The following DNAAF9 variants were observed in gnomAD, a reference collection of about 807,000 sequenced individuals.
DNAAF9 encodes the protein shulin.
A neutral mutation model predicts 167.0 loss-of-function variants in DNAAF9; 90 were observed. The observed-to-expected ratio is 0.54, with a 90% CI of 0.45 to 0.64. The LOEUF (loss-of-function observed/expected upper bound fraction) is 0.64. DNAAF9 is among the 30% of genes least tolerant of loss of function. The pLI, the probability that DNAAF9 is intolerant of heterozygous loss-of-function variation, is 0.00. For missense variants in DNAAF9, 1,315 were observed against 1,442.2 expected (o/e 0.91, Z 1.43); for synonymous variants, 491 against 508.8 (o/e 0.96, Z 0.47).
chr20:3,374,350 A>G (rs1242409348), intron 5 of DNAAF9, among the ~76,000 whole-genome samples, 196 bp from the exon 6 acceptor site: 1 of 152,264 alleles, frequency 6.6e-6, no homozygotes, highest in Non-Finnish European at 1.5e-5. Flanking sequence ...GAAAATTCAA[A>G]CCATAAACAA....
intron 7 of DNAAF9, among the ~76,000 whole-genome samples, chr20:3,349,771 C>G (rs756950292): frequency 2.6e-5 from 4 of 152,082 alleles, no homozygotes; most frequent in Non-Finnish European, 5.9e-5. Flanking sequence ...ACAAAAAAAC[C>G]CCACCAATTA....
chr20:3,340,437 C>CT, intron 10 of DNAAF9, 67 bp downstream of exon 10: 4 of 184,494 alleles, frequency 2.2e-5, no homozygotes, highest in Non-Finnish European at 3.4e-5. Context: ...TCTAGCTCCC[C>CT]CCACCCACCC....
chr20:3,393,416 G>T (rs1460035930), intron 1 of DNAAF9, among the ~76,000 whole-genome samples: 1 of 152,096 alleles, frequency 6.6e-6, no homozygotes, highest in Non-Finnish European at 1.5e-5. Flanking sequence ...GGAGGCTGAG[G>T]TGTGGAGACT....
At chr20:3,313,185 T>C (rs1022241891) in intron 20 of DNAAF9, among the ~76,000 whole-genome samples, 1 of 152,222 alleles carries the variant, frequency 6.6e-6, no homozygotes, top group African/African-American at 2.4e-5. Context: ...CACTATGCAA[T>C]CTTGCCTCAA....
Position 3,316,789 on chromosome 20 carries a change from G to A in DNAAF9, c.1473C>T (p.Gly491=), listed in dbSNP as rs1283141174. Residue 491 remains glycine (G), a synonymous_variant, in exon 18 of 37, where the codon GGC becomes GGT. Coordinates refer to ENST00000252032, the MANE Select transcript of DNAAF9 (RefSeq NM_001009984.3). The part of the protein sequence containing the change: ...TSQILVKEKD[G]TVTTETSSVV... The stretch of plus-strand genomic sequence containing the variant: ...CGGAGCTGGTTTCTGTGGTAACAGT[G>A]CCATCTGCAGGAACACCACACACAT... The A allele has an allele frequency of 6.2e-7, 1 of 1,612,100 alleles. No homozygotes were observed. The highest frequency in any genetic ancestry group is 8.5e-7 in the Non-Finnish European group (1 of 1,178,546).
At chr20:3,305,981 C>T (rs945874468) in intron 20 of DNAAF9, among the ~76,000 whole-genome samples, 5 of 152,184 alleles carry the variant, frequency 3.3e-5, no homozygotes, top group Non-Finnish European at 7.3e-5. Flanking sequence ...TAAAGTTCCT[C>T]CATGCTGCTC....
At chr20:3,381,543 G>A (rs2083654315) in intron 2 of DNAAF9, 45 bp from the exon 3 acceptor site, 1 of 1,568,494 alleles carries the variant, frequency 6.4e-7, no homozygotes, top group Non-Finnish European at 8.6e-7. Context: ...ATACTACAGG[G>A]AGCAAATGAG....
chr20:3,391,009 T>C (rs553063702), intron 1 of DNAAF9, among the ~76,000 whole-genome samples: 1 of 152,212 alleles, frequency 6.6e-6, no homozygotes, highest in South Asian at 2.1e-4. Flanking sequence ...AAAGGTCAGG[T>C]GACCAAGAAA....
intron 6 of DNAAF9, chr20:3,362,302 A>G: frequency 9.7e-7 from 1 of 1,031,960 alleles, no homozygotes. Context: ...GACTTTTACT[A>G]CTGAGCCTGT....
intron 22 of DNAAF9, 131 bp from the exon 23 acceptor site, chr20:3,297,080 T>C (rs2069094032): frequency 3.1e-6 from 2 of 644,432 alleles, no homozygotes; most frequent in Non-Finnish European, 5.5e-6. Flanking sequence ...CAAACAAGTT[T>C]GCTTCAAAAA....
At chr20:3,267,103 C>T (rs574351314) in intron 30 of DNAAF9, among the ~76,000 whole-genome samples, 5 of 151,180 alleles carry the variant, frequency 3.3e-5, no homozygotes, top group East Asian at 3.9e-4. Flanking sequence ...CTGCCTGCCT[C>T]GGCCTCCCAA....
At chr20:3,338,386 G>A (rs2070008002) in intron 10 of DNAAF9, among the ~76,000 whole-genome samples, 1 of 151,850 alleles carries the variant, frequency 6.6e-6, no homozygotes, top group South Asian at 2.1e-4. Flanking sequence ...TTCCCCTTTT[G>A]GCATTTTAAG....
chr20:3,309,967 C>A (rs1218003722), intron 20 of DNAAF9, among the ~76,000 whole-genome samples: 1 of 151,980 alleles, frequency 6.6e-6, no homozygotes, highest in African/African-American at 2.4e-5. Context: ...CTGTGGCAGG[C>A]AGATCACCTG....
At chr20:3,343,573 T>C (rs1269127822) in intron 9 of DNAAF9, 103 bp downstream of exon 9, 2 of 786,994 alleles carry the variant, frequency 2.5e-6, no homozygotes, top group Non-Finnish European at 4.3e-6. Context: ...CATATTTTCC[T>C]GACTCTAGCT....
In DNAAF9 at chr20:3,407,495, G is replaced by A; in HGVS notation, c.63C>T (p.Ser21=). Residue 21 remains serine (S), a synonymous_variant, in exon 1 of 37, where the codon AGC becomes AGT. Coordinates refer to ENST00000252032, the MANE Select transcript of DNAAF9 (RefSeq NM_001009984.3). ...CGTACCTGACGGAGGGTGACCCGCG[G>A]CTGGAGCCGCCAGGGGACCGAGCGC... ...LPRARSPGGS[S]RGSPSVSCSR... 1 of 1,295,140 alleles carries A rather than the reference G, an allele frequency of 7.7e-7. No individual in the cohort carries two copies. Among genetic ancestry groups the A allele is most frequent in the South Asian group, 2.4e-5 (1 of 41,042 alleles). The allele number at this position is 1,295,140 out of a possible 1,614,324, so 80.2% of individuals were successfully genotyped here. A position where few individuals can be genotyped will look rare whatever the true frequency, so the allele number is the denominator to read the frequency against.
intron 17 of DNAAF9, among the ~76,000 whole-genome samples, chr20:3,317,800 T>C (rs1016187873): frequency 8.6e-5 from 13 of 152,034 alleles, no homozygotes; most frequent in African/African-American, 2.9e-4. Flanking sequence ...TTTCACCATG[T>C]TGGCCAGGCT....
At chr20:3,255,517 G>A (rs553648508) in intron 34 of DNAAF9, among the ~76,000 whole-genome samples, 2 of 152,230 alleles carry the variant, frequency 1.3e-5, no homozygotes, top group East Asian at 1.9e-4. Context: ...CAGTGTTTTC[G>A]TAAATGGGAA....
intron 30 of DNAAF9, among the ~76,000 whole-genome samples, chr20:3,266,227 A>G (rs2068487802): frequency 6.6e-6 from 1 of 152,196 alleles, no homozygotes; most frequent in African/African-American, 2.4e-5. Flanking sequence ...TTGTCCCATT[A>G]CTGGTCTCAC....
At chr20:3,332,691 C>T (rs906594096) in intron 10 of DNAAF9, among the ~76,000 whole-genome samples, 3 of 151,614 alleles carry the variant, frequency 2.0e-5, no homozygotes, top group Admixed American at 1.3e-4. Context: ...CTCAAACTCC[C>T]GACCTCAGGT....
Sources: gnomAD v4.1 joint callset for allele counts (sites outside exome capture counted in the v4.1 genomes callset) on GRCh38, gnomAD v4.1.1 for gene constraint, MANE v1.5 for transcripts, NCBI Gene and HGNC (gene_info 2026-07-23, HGNC 2026-07-21) for gene names.